ATP11C: variants seen among roughly 807,000 people sequenced by gnomAD.
ATP11C encodes the protein ATPase phospholipid transporting 11C (ATP11C blood group).
In ATP11C, 36 loss-of-function variants were observed where a neutral mutation model predicts 97.4. The ratio of observed to expected loss-of-function variants is 0.37; its 90% CI spans 0.28 to 0.49. The LOEUF (loss-of-function observed/expected upper bound fraction) is 0.49, where lower values mean the gene tolerates loss of function less well. ATP11C is among the 20% of genes least tolerant of loss of function. The pLI, the probability that ATP11C is intolerant of heterozygous loss-of-function variation, is 0.98. For missense variants in ATP11C, 730 were observed against 824.6 expected (o/e 0.89, Z 1.40); for synonymous variants, 275 against 290.9 (o/e 0.95, Z 0.56).
intron 1 of ATP11C, among the ~76,000 whole-genome samples, chrX:139,837,412 A>G (rs1178312126): frequency 2.7e-5 from 3 of 112,213 alleles, no homozygotes. Flanking sequence ...GAATGCAAGC[A>G]GCTTAGTTAT....
chrX:139,882,210 G>A (rs1333073232), intron 1 of ATP11C, among the ~76,000 whole-genome samples: 1 of 111,467 alleles, frequency 9.0e-6, no homozygotes, highest in Non-Finnish European at 1.9e-5. Flanking sequence ...CAAAGATTAT[G>A]GTATGATCAT....
At position 139,838,411 on chromosome X, in the gene ATP11C, G is replaced by GA. The variant is rs1428308781; in HGVS notation, c.28-11589dup. On this transcript the variant is annotated intron_variant, in intron 1 of 29. Transcript: ENST00000682941. ...GATGGCGTGAATGAACAGCCTGTAA[G>GA]AAAAAAAAAAAGAAAATAACAAGTG... 1.1e-3 allele frequency among the ~76,000 whole-genome samples: 109 copies of GA among 103,511 alleles called. 1 individual carries two copies. The highest frequency in any genetic ancestry group is 1.3e-3 in the Non-Finnish European group (63 of 50,140). 89.9% of individuals were successfully genotyped at this position (103,511 alleles called of 115,157 possible). A position where few individuals can be genotyped will look rare whatever the true frequency, so the allele number is the denominator to read the frequency against.
chrX:139,835,074 C>G (rs2083726624), intron 1 of ATP11C, among the ~76,000 whole-genome samples: 1 of 112,118 alleles, frequency 8.9e-6, no homozygotes, highest in East Asian at 2.8e-4. Flanking sequence ...CTAGAGTCCA[C>G]TGGTAGAAAA....
rs2081967081 is a variant in ATP11C at position 139,757,847 on chromosome X, T to G, written c.2661A>C (p.Pro887=). The change falls in exon 23 of 30, where the codon CCA becomes CCC. Residue 887 remains proline, a synonymous_variant. Coordinates refer to ENST00000682941, the MANE Select transcript of ATP11C (RefSeq NM_001353812.2). ...CACAGAAGAACTGGTACAAAAACTG[T>G]GGCAAAATGAAACAAAGGTTCTGAA... ...FFYKNLCFIL[P]QFLYQFFCGF... 1 of 1,184,560 alleles carries G rather than the reference T, an allele frequency of 8.4e-7. No individual in the cohort carries two copies. The highest frequency in any genetic ancestry group is 1.8e-5 in the African/African-American group (1 of 56,109).
intron 1 of ATP11C, among the ~76,000 whole-genome samples, chrX:139,842,118 G>A (rs2083842425): frequency 8.9e-6 from 1 of 112,409 alleles, no homozygotes; most frequent in South Asian, 3.6e-4. Flanking sequence ...TGCAAGCTCC[G>A]CCTTCCAGGC....
intron 1 of ATP11C, among the ~76,000 whole-genome samples, chrX:139,868,620 A>G (rs1470390426): frequency 1.8e-5 from 2 of 108,520 alleles, no homozygotes; most frequent in African/African-American, 3.4e-5. Context: ...CCAGCTACTC[A>G]GGAGGCTGAG....
chrX:139,821,446 TAA>T (rs1416839396), intron 2 of ATP11C, among the ~76,000 whole-genome samples: 1 of 111,863 alleles, frequency 8.9e-6, no homozygotes, highest in Non-Finnish European at 1.9e-5. Flanking sequence ...AACAATAAGC[TAA>T]ACTCCAACAA....
chrX:139,909,120 GTTT>G (rs763644241), intron 1 of ATP11C, among the ~76,000 whole-genome samples: 1 of 110,706 alleles, frequency 9.0e-6, no homozygotes, highest in African/African-American at 3.3e-5. Flanking sequence ...TGCTTTTGGG[GTTT>G]TTTTTATTTT....
chrX:139,778,263 A>G (rs182359234), intron 18 of ATP11C, among the ~76,000 whole-genome samples: 1 of 111,969 alleles, frequency 8.9e-6, no homozygotes, highest in African/African-American at 3.3e-5. Context: ...AGCAAATGCT[A>G]TGGGAATCTG....
intron 2 of ATP11C, among the ~76,000 whole-genome samples, chrX:139,823,435 A>T (rs1426160954): frequency 8.9e-6 from 1 of 112,362 alleles, no homozygotes; most frequent in Non-Finnish European, 1.9e-5. Context: ...AAAGTTGAAG[A>T]GAATCTCAGC....
chrX:139,821,053 G>A (rs1349033901), intron 2 of ATP11C, among the ~76,000 whole-genome samples: 1 of 110,759 alleles, frequency 9.0e-6, no homozygotes, highest in Non-Finnish European at 1.9e-5. Context: ...TGTAGAGCAC[G>A]ACATACTATA....
chrX:139,878,876 A>T (rs969210075), intron 1 of ATP11C, among the ~76,000 whole-genome samples: 5 of 109,453 alleles, frequency 4.6e-5, no homozygotes, highest in Non-Finnish European at 9.5e-5. Context: ...ACGGACAGAG[A>T]CTAGGGGGAG....
chrX:139,924,226 T>C (rs1487109501), intron 1 of ATP11C: 1 of 380,080 alleles, frequency 2.6e-6, no homozygotes, highest in African/African-American at 2.6e-5. Context: ...CCCCACTGGG[T>C]GCATCAATTT....
At chrX:139,922,398 T>A (rs1443594361) in intron 1 of ATP11C, among the ~76,000 whole-genome samples, 2 of 106,411 alleles carry the variant, frequency 1.9e-5, no homozygotes, top group Non-Finnish European at 3.9e-5. Flanking sequence ...TCTCCTTTTT[T>A]AAAATCAAAA....
chrX:139,728,580 T>G lies in ATP11C; in HGVS notation c.*386A>C, dbSNP rs1166542466. The G allele has an allele frequency of 6.2e-6, 1 of 161,587 alleles. No individual in the cohort carries two copies. Among genetic ancestry groups the G allele is most frequent in the African/African-American group, 3.3e-5 (1 of 30,481 alleles). The allele number at this position is 161,587 out of a possible 1,213,427, so 13.3% of individuals were successfully genotyped here. A position where few individuals can be genotyped will look rare whatever the true frequency, so the allele number is the denominator to read the frequency against. On this transcript the variant is annotated 3_prime_UTR_variant, in exon 30 of 30. Coordinates refer to ENST00000682941, the MANE Select transcript of ATP11C (RefSeq NM_001353812.2). ...TAGTATTAGCAAAATCTATTCATTC[T>G]CATTGCATAACTTCTACTTCATACT...
chrX:139,743,080 TTTTTCACATATTATC>T (rs1483828514), intron 26 of ATP11C, among the ~76,000 whole-genome samples: 1 of 108,191 alleles, frequency 9.2e-6, no homozygotes, highest in Non-Finnish European at 1.9e-5. Context: ...TACCAAGCTC[TTTTTCACATATTATC>T]TTGCTCATAT....
At chrX:139,793,842 G>A (rs1478665204) in intron 12 of ATP11C, among the ~76,000 whole-genome samples, 1 of 111,457 alleles carries the variant, frequency 9.0e-6, no homozygotes, top group East Asian at 2.8e-4. Context: ...CATTGCTATA[G>A]TTAGGTCTGA....
chrX:139,889,296 C>T (rs1289888091), intron 1 of ATP11C, among the ~76,000 whole-genome samples: 3 of 111,639 alleles, frequency 2.7e-5, no homozygotes, highest in African/African-American at 3.3e-5. Context: ...AAGCATTATG[C>T]CAAGTAAAAC....
intron 12 of ATP11C, among the ~76,000 whole-genome samples, chrX:139,790,390 G>A (rs1476997484): frequency 9.1e-6 from 1 of 110,350 alleles, no homozygotes; most frequent in Non-Finnish European, 1.9e-5. Flanking sequence ...TTGATGTAAA[G>A]AAGTTACATA....
Sources: gnomAD v4.1 joint callset for allele counts (sites outside exome capture counted in the v4.1 genomes callset) on GRCh38, gnomAD v4.1.1 for gene constraint, MANE v1.5 for transcripts, NCBI Gene and HGNC (gene_info 2026-07-23, HGNC 2026-07-21) for gene names.